The following STX18 variants were observed in gnomAD, a reference collection of about 807,000 sequenced individuals.
The protein encoded by STX18 is syntaxin 18, also known as syntaxin-18.
A neutral mutation model predicts 50.1 loss-of-function variants in STX18; 40 were observed. The ratio of observed to expected loss-of-function variants is 0.80; its 90% CI spans 0.62 to 1.04. The LOEUF (loss-of-function observed/expected upper bound fraction) is 1.04, where lower values mean the gene tolerates loss of function less well. Among genes scored for constraint, STX18 ranks in the 50% least tolerant of loss-of-function variants. STX18 has a pLI of 0.00. For missense variants in STX18, 410 were observed against 415.8 expected, an observed-to-expected ratio of 0.99 and a Z score of 0.12; for synonymous variants, 158 against 151.8, an observed-to-expected ratio of 1.04 and a Z score of -0.30.
chr4:4,474,652 G>A (rs1214523488), intron 1 of STX18, among the ~76,000 whole-genome samples: 1 of 152,192 alleles, frequency 6.6e-6, no homozygotes, highest in Non-Finnish European at 1.5e-5. Context: ...GGAAGTGGGA[G>A]GCAGAAGGGA....
chr4:4,432,519 C>T (rs1452838539), intron 7 of STX18, among the ~76,000 whole-genome samples: 3 of 152,204 alleles, frequency 2.0e-5, no homozygotes, highest in African/African-American at 4.8e-5. Context: ...TTTCAAGCAC[C>T]CCATGTGTCT....
At chr4:4,431,195 A>G (rs983710138) in intron 7 of STX18, among the ~76,000 whole-genome samples, 8 of 152,198 alleles carry the variant, frequency 5.3e-5, no homozygotes, top group African/African-American at 1.4e-4. Context: ...AAGAAAGAAA[A>G]AAAAAGCCCA....
intron 1 of STX18, among the ~76,000 whole-genome samples, chr4:4,528,745 C>G (rs1261873115): frequency 1.3e-5 from 2 of 152,188 alleles, no homozygotes; most frequent in East Asian, 3.9e-4. Context: ...AGGAAGGTGC[C>G]TCACCCAACA....
At chr4:4,515,160 A>G (rs1730192388) in intron 1 of STX18, among the ~76,000 whole-genome samples, 1 of 152,162 alleles carries the variant, frequency 6.6e-6, no homozygotes, top group African/African-American at 2.4e-5. Context: ...TGAGACCTAA[A>G]TGAATAAAAC....
intron 1 of STX18, among the ~76,000 whole-genome samples, chr4:4,533,686 C>G (rs1179777982): frequency 6.6e-6 from 1 of 152,184 alleles, no homozygotes; most frequent in African/African-American, 2.4e-5. Flanking sequence ...GGTTCTTGGG[C>G]CTCCAAAATG....
chr4:4,485,449 T>A (rs1186189378), intron 1 of STX18, among the ~76,000 whole-genome samples: 3 of 152,164 alleles, frequency 2.0e-5, no homozygotes, highest in Admixed American at 2.0e-4. Context: ...TGCAATGGGT[T>A]CAAACCAGCC....
intron 2 of STX18, among the ~76,000 whole-genome samples, chr4:4,468,446 G>A (rs1727732984): frequency 6.6e-6 from 1 of 152,072 alleles, no homozygotes. Flanking sequence ...GCCAGCCTGC[G>A]ATGATAGCTA....
At chr4:4,450,221 GA>G (rs1288304896) in intron 5 of STX18, among the ~76,000 whole-genome samples, 1 of 152,182 alleles carries the variant, frequency 6.6e-6, no homozygotes, top group African/African-American at 2.4e-5. Context: ...TTTGGAAATT[GA>G]AAACCGTGAA....
rs138681043 is a variant in STX18 at position 4,531,085 on chromosome 4, G to A, written c.168+10712C>T. Among the ~76,000 whole-genome samples the A allele has an allele frequency of 7.3e-4, 110 of 151,664 alleles. 1 individual carries two copies. The highest frequency in any genetic ancestry group is 3.1e-3 in the South Asian group (15 of 4,820). On this transcript the variant is annotated intron_variant, in intron 1 of 10. Coordinates refer to ENST00000306200, the MANE Select transcript of STX18 (RefSeq NM_016930.4). ...TTTCCCAAAGTGCTAACCAATTACC[G>A]CCAATCACTGAATAAATCTTCCTTT...
intron 1 of STX18, among the ~76,000 whole-genome samples, chr4:4,530,833 C>G (rs1224682276): frequency 6.6e-6 from 1 of 152,080 alleles, no homozygotes; most frequent in Non-Finnish European, 1.5e-5. Context: ...TCTTGAATTC[C>G]TAAGCTCAAG....
intron 3 of STX18, 70 bp from the exon 4 acceptor site, chr4:4,457,570 T>C: frequency 1.7e-6 from 2 of 1,145,922 alleles, no homozygotes; most frequent in Non-Finnish European, 2.6e-6. Context: ...ATCAGCTTCC[T>C]CACAACACTT....
chr4:4,470,343 A>G (rs903487207), intron 2 of STX18, among the ~76,000 whole-genome samples: 1 of 152,210 alleles, frequency 6.6e-6, no homozygotes, highest in Non-Finnish European at 1.5e-5. Flanking sequence ...GTCTCCAGAC[A>G]TTGCCAAATG....
intron 5 of STX18, among the ~76,000 whole-genome samples, chr4:4,439,809 G>A (rs62289809): frequency 0.035 from 5,398 of 152,094 alleles, 148 homozygotes; most frequent in African/African-American, 0.078. Flanking sequence ...CCAGGGCATC[G>A]TCTTCCTTCC....
chr4:4,436,315 A>G (rs1342890648), intron 6 of STX18, among the ~76,000 whole-genome samples: 1 of 152,224 alleles, frequency 6.6e-6, no homozygotes, highest in African/African-American at 2.4e-5. Flanking sequence ...ATGTGTTTGT[A>G]AAAGGTTGGC....
rs547901504 is a variant in STX18, at chr4:4,474,963, C to G, written c.169-3257G>C. Among the ~76,000 whole-genome samples the G allele has an allele frequency of 1.6e-4, 25 of 152,274 alleles. No homozygotes were observed. In the South Asian group the frequency reaches 4.8e-3, roughly 29 times the overall value. ...AGAAACTAATACACCTACTAAGAAC[C>G]TTACTATCCACAACAGGTGTTTTTT... On this transcript the variant is annotated intron_variant, in intron 1 of 10. Coordinates refer to ENST00000306200, the MANE Select transcript of STX18 (RefSeq NM_016930.4).
rs751290729 is a variant in STX18, at chr4:4,541,997, C to T, written c.-33G>A. 13 of 1,544,450 alleles carry T rather than the reference C, an allele frequency of 8.4e-6. No individual in the cohort carries two copies. Among genetic ancestry groups the T allele is most frequent in the Non-Finnish European group, 1.1e-5 (13 of 1,144,912 alleles). ...CGCACCCTCAGCCCCACACTAGGCC[C>T]GCCCACGTAAGCAGCCGGCGACCGC... On this transcript the variant is annotated 5_prime_UTR_variant, in exon 1 of 11. Transcript: ENST00000306200.
intron 1 of STX18, among the ~76,000 whole-genome samples, chr4:4,492,876 T>C (rs766587993): frequency 1.3e-5 from 2 of 152,194 alleles, no homozygotes; most frequent in Non-Finnish European, 2.9e-5. Context: ...AATGTCAAAG[T>C]TTTTAAGGCT....
Position 4,420,752 on chromosome 4 carries a change from C to G in STX18, c.912+112G>C. On this transcript the variant is annotated intron_variant, in intron 10 of 10. Transcript: ENST00000306200. The surrounding 1 kb of genome is among the most constrained non-coding windows in gnomAD (Gnocchi z 4.3). ...GGTCACACAATTTTGTGATCAGCCC[C>G]GTGAGCTCTGCCCAGCAAGGCTCCT... is the stretch of plus-strand genomic sequence containing the variant. 2 of 972,104 alleles carry G rather than the reference C, an allele frequency of 2.1e-6. No individual in the cohort carries two copies. Among genetic ancestry groups the G allele is most frequent in the South Asian group, 2.8e-5 (2 of 72,416 alleles). 60.2% of individuals were successfully genotyped at this position (972,104 alleles called of 1,614,324 possible).
At chr4:4,450,770 C>T (rs914895325) in intron 5 of STX18, among the ~76,000 whole-genome samples, 10 of 152,194 alleles carry the variant, frequency 6.6e-5, no homozygotes, top group Admixed American at 1.3e-4. Context: ...CTGCTCCCCA[C>T]GACTGCAGAC....
Sources: gnomAD v4.1 joint callset for allele counts (sites outside exome capture counted in the v4.1 genomes callset) on GRCh38, gnomAD v4.1.1 for gene constraint, Gnocchi (gnomAD v3.1) non-coding constraint, MANE v1.5 for transcripts, NCBI Gene and HGNC (gene_info 2026-07-23, HGNC 2026-07-21) for gene names.